The following GABPB1 variants were observed in gnomAD, a reference collection of about 807,000 sequenced individuals.
The protein encoded by GABPB1 is GA-binding protein subunit beta-1.
In GABPB1, 15 loss-of-function variants were observed where a neutral mutation model predicts 45.9. The ratio of observed to expected loss-of-function variants is 0.33; its 90% CI spans 0.22 to 0.50. The LOEUF (loss-of-function observed/expected upper bound fraction) is 0.50. Ranked by LOEUF, GABPB1 falls within the 20% of genes least tolerant of loss-of-function variation. The pLI is 0.98. For synonymous variants in GABPB1, 143 were observed against 154.4 expected (o/e 0.93, Z 0.55); for missense variants, 252 against 457.5 (o/e 0.55, Z 4.10).
chr15:50,317,639 G>A (rs2047387812), intron 1 of GABPB1, among the ~76,000 whole-genome samples: 3 of 152,074 alleles, frequency 2.0e-5, no homozygotes, highest in South Asian at 2.1e-4. Context: ...GCTGGGCGCG[G>A]TGGCTCACGC....
intron 1 of GABPB1, among the ~76,000 whole-genome samples, chr15:50,341,110 T>C (rs2048361212): frequency 6.6e-6 from 1 of 152,078 alleles, no homozygotes; most frequent in South Asian, 2.1e-4. Flanking sequence ...AATGTTAATG[T>C]TGTCATAAAG....
At chr15:50,352,910 C>T (rs1404023841) in intron 1 of GABPB1, 2 of 152,146 alleles carry the variant, frequency 1.3e-5, no homozygotes, top group Non-Finnish European at 2.9e-5. Context: ...ATAATTGTCT[C>T]CCAACCTAGA....
chr15:50,304,849 A>G (rs2046886272), intron 2 of GABPB1, among the ~76,000 whole-genome samples: 1 of 152,238 alleles, frequency 6.6e-6, no homozygotes, highest in Non-Finnish European at 1.5e-5. Context: ...TAAATGTAAC[A>G]GTGTACATTT....
At chr15:50,341,350 T>C (rs1415020772) in intron 1 of GABPB1, among the ~76,000 whole-genome samples, 2 of 152,012 alleles carry the variant, frequency 1.3e-5, no homozygotes, top group East Asian at 1.9e-4. Flanking sequence ...CTGACCAACA[T>C]GGAGAAACCC....
At chr15:50,318,021 T>C (rs1036371855) in intron 1 of GABPB1, among the ~76,000 whole-genome samples, 1 of 152,172 alleles carries the variant, frequency 6.6e-6, no homozygotes, top group Non-Finnish European at 1.5e-5. Flanking sequence ...TATGAAAATA[T>C]TCCAAATTTA....
Position 50,278,600 on chromosome 15 carries a change from A to G in GABPB1, c.*32T>C, listed in dbSNP as rs550725924. The G allele has an allele frequency of 1.3e-6, 2 of 1,598,708 alleles. No individual in the cohort carries two copies. The highest frequency in any genetic ancestry group is 2.2e-5 in the East Asian group (1 of 44,716). On this transcript the variant is annotated 3_prime_UTR_variant, in exon 9 of 9. Transcript: ENST00000380877. Reference sequence around the variant, plus strand: ...TTCAAGATTGTATTCTTTCTTGACCAAAAGTAAAATCAAACTACATGTTCA... The same window carrying G: ...TTCAAGATTGTATTCTTTCTTGACCGAAAGTAAAATCAAACTACATGTTCA...
At chr15:50,310,133 C>T (rs890831409) in intron 1 of GABPB1, among the ~76,000 whole-genome samples, 1 of 152,212 alleles carries the variant, frequency 6.6e-6, no homozygotes, top group Non-Finnish European at 1.5e-5. Context: ...CGGCCTGTCA[C>T]CCAGGCTGGA....
intron 1 of GABPB1, among the ~76,000 whole-genome samples, chr15:50,339,113 G>T (rs2048249737): frequency 6.6e-6 from 1 of 152,176 alleles, no homozygotes; most frequent in Admixed American, 6.5e-5. Context: ...AGGGTCAGGA[G>T]TTCGAAACCA....
At chr15:50,287,177 G>A (rs990070560) in intron 7 of GABPB1, among the ~76,000 whole-genome samples, 2 of 152,064 alleles carry the variant, frequency 1.3e-5, no homozygotes, top group Non-Finnish European at 2.9e-5. Flanking sequence ...TAATTCACAT[G>A]TAAACTATAT....
intron 1 of GABPB1, among the ~76,000 whole-genome samples, chr15:50,333,599 T>G (rs1004776138): frequency 6.6e-6 from 1 of 152,214 alleles, no homozygotes; most frequent in African/African-American, 2.4e-5. Flanking sequence ...GACAAGTTGT[T>G]TTTATCTGAA....
At chr15:50,283,897 T>A (rs922052700) in intron 8 of GABPB1, among the ~76,000 whole-genome samples, 2 of 152,176 alleles carry the variant, frequency 1.3e-5, no homozygotes, top group Admixed American at 6.5e-5. Flanking sequence ...AGATTTTGTA[T>A]AGAGTTAATT....
At position 50,286,534 on chromosome 15, in the gene GABPB1, T is replaced by A. The variant is rs538775289; in HGVS notation, c.884-351A>T. Among the ~76,000 whole-genome samples the A allele has an allele frequency of 1.4e-3, 210 of 152,300 alleles. 1 individual carries two copies. The highest frequency in any genetic ancestry group is 2.3e-3 in the Non-Finnish European group (156 of 67,998). On this transcript the variant is annotated intron_variant, in intron 7 of 8. Coordinates refer to ENST00000380877, the MANE Select transcript of GABPB1 (RefSeq NM_016654.5). ...CATTTTATTAATTTATTATGTATTA[T>A]CCTTATATTAATTTGTTTAAAAATT...
At chr15:50,282,818 GC>G (rs2046029024) in intron 8 of GABPB1, among the ~76,000 whole-genome samples, 3 of 152,156 alleles carry the variant, frequency 2.0e-5, no homozygotes, top group Admixed American at 6.5e-5. Flanking sequence ...ACTCTGGGGG[GC>G]TGAAGCGGAT....
intron 7 of GABPB1, among the ~76,000 whole-genome samples, chr15:50,288,083 G>A (rs916830379): frequency 1.3e-5 from 2 of 152,010 alleles, no homozygotes; most frequent in South Asian, 2.1e-4. Context: ...ACAGGGTCTC[G>A]CTCTGTCATC....
intron 1 of GABPB1, among the ~76,000 whole-genome samples, chr15:50,334,126 T>G (rs1474329863): frequency 6.6e-6 from 1 of 152,192 alleles, no homozygotes; most frequent in Non-Finnish European, 1.5e-5. Context: ...CCAGCTACTT[T>G]TGGTTTTCTG....
At chr15:50,314,745 T>C (rs2047256065) in intron 1 of GABPB1, 1 of 152,260 alleles carries the variant, frequency 6.6e-6, no homozygotes, top group Non-Finnish European at 1.5e-5. Flanking sequence ...ACGGCTGGAA[T>C]ATAACATGTA....
At chr15:50,311,071 T>C (rs747005854) in intron 1 of GABPB1, among the ~76,000 whole-genome samples, 2 of 151,846 alleles carry the variant, frequency 1.3e-5, no homozygotes, top group Non-Finnish European at 2.9e-5. Context: ...GAGGTGTGCA[T>C]GGGTGTGTAT....
At chr15:50,302,785 G>T (rs998059238) in intron 4 of GABPB1, 144 bp downstream of exon 4, 1 of 566,688 alleles carries the variant, frequency 1.8e-6, no homozygotes, top group Non-Finnish European at 3.0e-6. Context: ...AAGAGGAAGT[G>T]AAAGAGAAAA....
At chr15:50,297,514 C>A (rs113716824) in intron 6 of GABPB1, among the ~76,000 whole-genome samples, 131 of 152,284 alleles carry the variant, frequency 8.6e-4, no homozygotes, top group African/African-American at 3.1e-3. Context: ...GCTCCCGGCA[C>A]TTCTTTTTAA....
Sources: allele counts gnomAD v4.1 joint callset (sites outside exome capture counted in the v4.1 genomes callset), GRCh38; gene constraint gnomAD v4.1.1; transcripts MANE v1.5; gene names NCBI Gene and HGNC (gene_info 2026-07-23, HGNC 2026-07-21).